Variants in FANCE observed in about 807,000 individuals in gnomAD.
The protein encoded by FANCE is FA complementation group E.
In FANCE, 42 loss-of-function variants were observed where a neutral mutation model predicts 57.8. The ratio of observed to expected loss-of-function variants is 0.73; its 90% confidence interval spans 0.57 to 0.94. FANCE has a LOEUF of 0.94. Among genes scored for constraint, FANCE ranks in the 40% least tolerant of loss-of-function variants. The pLI is 0.00. For missense variants in FANCE, 608 were observed against 661.8 expected (o/e 0.92, Z 0.89); for synonymous variants, 251 against 286.4 (o/e 0.88, Z 1.25).
Position 35,458,356 on chromosome 6 carries a change from G to T in FANCE, c.1029G>T (p.Arg343=). Residue 343 remains arginine (R), a synonymous_variant, in exon 5 of 10, where the codon CGG becomes CGT. Transcript: ENST00000229769. The stretch of plus-strand genomic sequence containing the variant: ...AGCTCTCAGACCTCGGTCTCCTGCG[G>T]CTCTGCACCTGGCTGCTGGCCCTTT... ...LPQLSDLGLL[R]LCTWLLALSP... The T allele has an allele frequency of 1.2e-6, 2 of 1,614,190 alleles. No individual in the cohort carries two copies. Among genetic ancestry groups the T allele is most frequent in the Non-Finnish European group, 1.7e-6 (2 of 1,180,044 alleles).
At chr6:35,462,153 G>C (rs1030318562) in intron 8 of FANCE, among the ~76,000 whole-genome samples, 1 of 151,384 alleles carries the variant, frequency 6.6e-6, no homozygotes, top group African/African-American at 2.4e-5. Flanking sequence ...TATCACCCAG[G>C]CTGGAGTGCA....
chr6:35,456,296 G>C lies in FANCE; in HGVS notation c.798G>C (p.Ser266=). The C allele has an allele frequency of 6.2e-7, 1 of 1,614,184 alleles. No homozygotes were observed. Among genetic ancestry groups the C allele is most frequent in the Non-Finnish European group, 8.5e-7 (1 of 1,180,034 alleles). ...VMAVKTGEDG[S]NLDDAKGLAE... is the part of the protein sequence containing the mutation. ...CAGTTAAGACTGGCGAGGACGGTTCGAATCTGGATGATGCTAAAGGTCTGG... is the reference window on the plus strand; with the variant it reads ...CAGTTAAGACTGGCGAGGACGGTTCCAATCTGGATGATGCTAAAGGTCTGG... The change falls in exon 2 of 10, where the codon TCG becomes TCC. Residue 266 remains serine, a synonymous_variant. Transcript: ENST00000229769. The surrounding 1 kb of genome is among the most constrained non-coding windows in gnomAD (Gnocchi z 4.3).
At position 35,452,631 on chromosome 6, in the gene FANCE, T is replaced by TGCTGCAGGC. The variant is rs780106496; in HGVS notation, c.97_105dup (p.Leu33_Ala35dup). On this transcript the variant is annotated inframe_insertion, in exon 1 of 10. Coordinates refer to ENST00000229769, the MANE Select transcript of FANCE (RefSeq NM_021922.3). ...CAGCTGGAGGCCCCCGCCCGCCTCCTGCTGCAGGCGCTGCAGGCGGGGCCT... is the reference window on the plus strand; with the variant it reads ...CAGCTGGAGGCCCCCGCCCGCCTCCTGCTGCAGGCGCTGCAGGCGCTGCAGGCGGGGCCT... 6.3e-6 allele frequency: 8 copies of TGCTGCAGGC among 1,268,388 alleles called. No individual in the cohort carries two copies. In the South Asian group the frequency reaches 9.0e-5, roughly 14 times the overall value. The allele number at this position is 1,268,388 out of a possible 1,614,324, so 78.6% of individuals were successfully genotyped here.
At chr6:35,464,470 C>G (rs189580430) in intron 9 of FANCE, among the ~76,000 whole-genome samples, 2 of 151,800 alleles carry the variant, frequency 1.3e-5, no homozygotes, top group Non-Finnish European at 2.9e-5. Context: ...ATCTCCTGAC[C>G]TTGTGATCTG....
At chr6:35,461,441 G>C (rs1246607773) in intron 8 of FANCE, among the ~76,000 whole-genome samples, 2 of 152,114 alleles carry the variant, frequency 1.3e-5, no homozygotes, top group Non-Finnish European at 2.9e-5. Flanking sequence ...CAGTTTCAGG[G>C]GAATCCGCCC....
intron 9 of FANCE, among the ~76,000 whole-genome samples, 176 bp from the exon 10 acceptor site, chr6:35,466,067 AT>A (rs772369631): frequency 8.5e-5 from 13 of 152,330 alleles, no homozygotes; most frequent in Admixed American, 3.3e-4. Context: ...TGCAGCTAGT[AT>A]TTGGCTCCAG....
In FANCE at chr6:35,456,038, C is replaced by T. The variant is rs781691272; in HGVS notation, c.540C>T (p.Ser180=). The T allele has an allele frequency of 1.1e-5, 18 of 1,612,740 alleles. 1 individual carries two copies. Among genetic ancestry groups the T allele is most frequent in the East Asian group, 2.2e-5 (1 of 44,838 alleles). The change falls in exon 2 of 10, where the codon TCC becomes TCT. Residue 180 remains serine (S), a synonymous_variant. Coordinates refer to ENST00000229769, the MANE Select transcript of FANCE (RefSeq NM_021922.3). The surrounding 1 kb of genome is among the most constrained non-coding windows in gnomAD (Gnocchi z 4.3). ...GLGLGGRRLK[S]PQAPDPEEEE... ...GCCTGGGGGGCAGGAGGTTGAAATC[C>T]CCCCAGGCTCCAGACCCTGAAGAAG... is the stretch of plus-strand genomic sequence containing the variant.
rs115195341 is a variant in FANCE at position 35,466,306 on chromosome 6, G to A, written c.1572G>A (p.Arg524=). ...TAGAACCTAACACCACCTTCCTGAGGAAGTCCCTGAAGGCCGCCTTGAAAC... is the reference window on the plus strand; with the variant it reads ...TAGAACCTAACACCACCTTCCTGAGAAAGTCCCTGAAGGCCGCCTTGAAAC... ...MALEPNTTFL[R]KSLKAALKHL... Residue 524 remains arginine (R), a synonymous_variant, in exon 10 of 10, where the codon AGG becomes AGA. Transcript: ENST00000229769. 6.4e-3 allele frequency: 10,337 copies of A among 1,613,944 alleles called. 46 individuals are homozygous for A. Among genetic ancestry groups the A allele is most frequent in the Non-Finnish European group, 7.9e-3 (9,353 of 1,179,822 alleles).
rs752689765 is a variant in FANCE, at chr6:35,459,417, C to T, written c.1200C>T (p.Ser400=). Residue 400 remains serine, a synonymous_variant, in exon 6 of 10, where the codon AGC becomes AGT. Coordinates refer to ENST00000229769, the MANE Select transcript of FANCE (RefSeq NM_021922.3). ...CCAAATATACATACCCTGTCTGCAG[C>T]GCCCTCCTTGACCCTGTGCTCCAGG... The part of the protein sequence containing the change: ...FCAKYTYPVC[S]ALLDPVLQAP... The T allele has an allele frequency of 1.4e-5, 23 of 1,614,034 alleles. No individual in the cohort carries two copies. Among genetic ancestry groups the T allele is most frequent in the South Asian group, 1.1e-5 (1 of 91,084 alleles).
rs747113644 is a variant in FANCE at position 35,456,035 on chromosome 6, AT to A, written c.538del (p.Ser180ProfsTer116). 1 of 1,612,772 alleles carries A rather than the reference AT, an allele frequency of 6.2e-7. No homozygotes were observed. The highest frequency in any genetic ancestry group is 1.1e-5 in the South Asian group (1 of 91,048). On this transcript the variant is annotated frameshift_variant, in exon 2 of 10. Coordinates refer to ENST00000229769, the MANE Select transcript of FANCE (RefSeq NM_021922.3). LOFTEE classifies it high-confidence loss of function. The surrounding 1 kb of genome is among the most constrained non-coding windows in gnomAD (Gnocchi z 4.3). Reference protein sequence around the residue: ...GLGLGGRRLKSPQAPDPEEEE... With the variant: ...GLGLGGRRLKXPQAPDPEEEE... ...TGGGCCTGGGGGGCAGGAGGTTGAAATCCCCCCAGGCTCCAGACCCTGAAGA... is the reference window on the plus strand; with the variant it reads ...TGGGCCTGGGGGGCAGGAGGTTGAAACCCCCCAGGCTCCAGACCCTGAAGA...
At chr6:35,461,741 G>T (rs1382568059) in intron 8 of FANCE, among the ~76,000 whole-genome samples, 1 of 150,380 alleles carries the variant, frequency 6.6e-6, no homozygotes, top group African/African-American at 2.5e-5. Flanking sequence ...TCTGCCTCCC[G>T]GGTTCACGCC....
In FANCE at chr6:35,462,117, A is replaced by ATTATTT. The variant is rs370849594; in HGVS notation, c.1384-670_1384-669insATTTTT. Reference sequence around the variant, plus strand: ...TTATTAAATAATAATAATAATTATTATTTTTTTTGAGACGGAGTCTCACTC... The same window carrying ATTATTT: ...TTATTAAATAATAATAATAATTATTATTATTTTTTTTTTTGAGACGGAGTCTCACTC... On this transcript the variant is annotated intron_variant, in intron 8 of 9. Transcript: ENST00000229769. Among the ~76,000 whole-genome samples the ATTATTT allele has an allele frequency of 3.5e-3, 530 of 149,868 alleles. 4 individuals carry two copies. Among genetic ancestry groups the ATTATTT allele is most frequent in the African/African-American group, 9.8e-3 (399 of 40,632 alleles).
rs1272475113 is a variant in FANCE at position 35,466,452 on chromosome 6, G to A, written c.*107G>A. The A allele has an allele frequency of 1.2e-6, 1 of 809,546 alleles. No individual in the cohort carries two copies. The highest frequency in any genetic ancestry group is 2.5e-5 in the East Asian group (1 of 39,496). The allele number at this position is 809,546 out of a possible 1,614,324, so 50.1% of individuals were successfully genotyped here. A position where few individuals can be genotyped will look rare whatever the true frequency, so the allele number is the denominator to read the frequency against. The stretch of plus-strand genomic sequence containing the variant: ...GCCCTAGCCTGAGGATAAAGGCTGA[G>A]CCTGGCCATCCCAGATTGCAACTGC... On this transcript the variant is annotated 3_prime_UTR_variant, in exon 10 of 10. Coordinates refer to ENST00000229769, the MANE Select transcript of FANCE (RefSeq NM_021922.3).
chr6:35,463,798 A>G (rs974160882), intron 9 of FANCE, among the ~76,000 whole-genome samples: 14 of 151,558 alleles, frequency 9.2e-5, no homozygotes, highest in African/African-American at 3.2e-4. Context: ...AGTAGCTGGG[A>G]TTACCTGCCA....
At chr6:35,457,257 G>A (rs983106525) in intron 2 of FANCE, among the ~76,000 whole-genome samples, 8 of 152,016 alleles carry the variant, frequency 5.3e-5, no homozygotes, top group Admixed American at 5.2e-4. Context: ...CTCCCAAGTA[G>A]CTGGGATTAC....
intron 7 of FANCE, among the ~76,000 whole-genome samples, chr6:35,460,331 G>T (rs1237787252): frequency 6.6e-6 from 1 of 152,168 alleles, no homozygotes; most frequent in Non-Finnish European, 1.5e-5. Flanking sequence ...GGCCAGGCTG[G>T]TCTTGAACTT....
At chr6:35,460,125 TG>T (rs1767526220) in intron 7 of FANCE, among the ~76,000 whole-genome samples, 2 of 70,516 alleles carry the variant, frequency 2.8e-5, no homozygotes, top group African/African-American at 5.7e-5. Context: ...TGGCGGGGGG[TG>T]GGGGGTGGGG....
rs752690798 is a variant in FANCE, at chr6:35,455,763, C to T, written c.265C>T (p.Arg89Ter). Reference protein sequence around the residue: ...GRLELKPLLLRLPRICQRNLM... With the variant: ...GRLELKPLLL ...GCTACCCAGGAAACCACTGTTGCTG[C>T]GATTGCCCCGGATATGCCAGAGGAA... Residue 89 changes from arginine (R) to a stop codon, truncating the protein, a stop_gained, in exon 2 of 10, where the codon CGA becomes TGA. Coordinates refer to ENST00000229769, the MANE Select transcript of FANCE (RefSeq NM_021922.3). LOFTEE classifies it high-confidence loss of function. 8.7e-6 allele frequency: 14 copies of T among 1,613,950 alleles called. No individual in the cohort carries two copies. The highest frequency in any genetic ancestry group is 2.2e-5 in the East Asian group (1 of 44,892).
In FANCE at chr6:35,456,499, T is replaced by A; in HGVS notation, c.855+146T>A. 2 of 1,037,898 alleles carry A rather than the reference T, an allele frequency of 1.9e-6. No homozygotes were observed. The highest frequency in any genetic ancestry group is 3.0e-6 in the Non-Finnish European group (2 of 668,218). 64.3% of individuals were successfully genotyped at this position (1,037,898 alleles called of 1,614,324 possible). A position where few individuals can be genotyped will look rare whatever the true frequency, so the allele number is the denominator to read the frequency against. Reference sequence around the variant, plus strand: ...GGAGGAAGGTAGGGTTGAGGGAATGTAGCCTCCACTCTACAGACTCTTTTT... The same window carrying A: ...GGAGGAAGGTAGGGTTGAGGGAATGAAGCCTCCACTCTACAGACTCTTTTT... On this transcript the variant is annotated intron_variant, in intron 2 of 9. Coordinates refer to ENST00000229769, the MANE Select transcript of FANCE (RefSeq NM_021922.3). The surrounding 1 kb of genome is among the most constrained non-coding windows in gnomAD (Gnocchi z 4.3).
Sources: gnomAD v4.1 joint callset for allele counts (sites outside exome capture counted in the v4.1 genomes callset) on GRCh38, gnomAD v4.1.1 for gene constraint, Gnocchi (gnomAD v3.1) non-coding constraint, MANE v1.5 for transcripts, NCBI Gene and HGNC (gene_info 2026-07-23, HGNC 2026-07-21) for gene names.